The following SPINK13 variants were observed in gnomAD, a reference collection of about 807,000 sequenced individuals.
SPINK13 encodes the protein serine protease inhibitor Kazal-type 13.
A neutral mutation model predicts 11.0 loss-of-function variants in SPINK13; 11 were observed. The ratio of observed to expected loss-of-function variants is 1.00; its 90% CI spans 0.63 to 1.65. The LOEUF (loss-of-function observed/expected upper bound fraction) is 1.65. Among genes scored for constraint, SPINK13 ranks in the 40% most tolerant of loss-of-function variants. SPINK13 has a pLI of 0.00. For synonymous variants in SPINK13, 31 were observed against 35.6 expected, an observed-to-expected ratio of 0.87 and a Z score of 0.46; for missense variants, 113 against 117.7, an observed-to-expected ratio of 0.96 and a Z score of 0.19.
Position 148,279,368 on chromosome 5 carries a change from T to C in SPINK13, c.109-2736T>C, listed in dbSNP as rs554157522. ...CCCATTAGTTGATGCAGTTTCTTCA[T>C]AGTGTTGATGGTCTTTACATTTTGG... On this transcript the variant is annotated intron_variant, in intron 3 of 4. Transcript: ENST00000398450. Among the ~76,000 whole-genome samples the C allele has an allele frequency of 3.9e-5, 6 of 152,262 alleles. No homozygotes were observed. In the South Asian group the frequency reaches 1.0e-3, roughly 26 times the overall value.
chr5:148,270,023 C>G lies in SPINK13; in HGVS notation c.-33-17C>G, dbSNP rs775056259. ...AGCTGTGGGGGAAACTAAAAACAAT[C>G]TTGGGCATGTTCACAGGCCTTATCA... is the stretch of plus-strand genomic sequence containing the variant. On this transcript the variant is annotated splice_polypyrimidine_tract_variant and intron_variant, in intron 1 of 4. Coordinates refer to ENST00000398450, the MANE Select transcript of SPINK13 (RefSeq NM_001040129.3). The G allele has an allele frequency of 6.3e-7, 1 of 1,579,746 alleles. No homozygotes were observed.
chr5:148,278,074 G>T (rs1222162062), intron 3 of SPINK13, among the ~76,000 whole-genome samples: 1 of 152,184 alleles, frequency 6.6e-6, no homozygotes, highest in Admixed American at 6.5e-5. Context: ...GATGTTTATA[G>T]TATTCTCTGA....
chr5:148,274,177 A>T (rs1293806622), intron 2 of SPINK13, among the ~76,000 whole-genome samples, 170 bp from the exon 3 acceptor site: 1 of 151,734 alleles, frequency 6.6e-6, no homozygotes, highest in Non-Finnish European at 1.5e-5. Context: ...AAAAGTGGAT[A>T]AAGTAATTTA....
chr5:148,277,013 T>C (rs561593456), intron 3 of SPINK13, among the ~76,000 whole-genome samples: 1 of 152,332 alleles, frequency 6.6e-6, no homozygotes, highest in Non-Finnish European at 1.5e-5. Flanking sequence ...GTTGTATTCC[T>C]AGGTATTTTA....
intron 4 of SPINK13, among the ~76,000 whole-genome samples, chr5:148,282,478 A>G (rs184669126): frequency 1.3e-5 from 2 of 152,354 alleles, no homozygotes; most frequent in East Asian, 3.9e-4. Flanking sequence ...AGAACTGTAC[A>G]GAGATTATAT....
intron 3 of SPINK13, among the ~76,000 whole-genome samples, chr5:148,279,569 G>A (rs1356920514): frequency 6.6e-6 from 1 of 152,104 alleles, no homozygotes; most frequent in Non-Finnish European, 1.5e-5. Context: ...GAAATTCTGG[G>A]TTGAAAATTC....
chr5:148,271,879 T>C (rs1484614225), intron 2 of SPINK13, among the ~76,000 whole-genome samples: 1 of 152,194 alleles, frequency 6.6e-6, no homozygotes, highest in African/African-American at 2.4e-5. Context: ...CCGCCTGGCC[T>C]CCCAAAGTGC....
At chr5:148,271,419 T>G (rs1047698381) in intron 2 of SPINK13, among the ~76,000 whole-genome samples, 1 of 152,186 alleles carries the variant, frequency 6.6e-6, no homozygotes, top group African/African-American at 2.4e-5. Flanking sequence ...ACCAATTCTC[T>G]TGTCTATCTT....
At chr5:148,276,956 C>T (rs757983433) in intron 3 of SPINK13, among the ~76,000 whole-genome samples, 2 of 152,152 alleles carry the variant, frequency 1.3e-5, no homozygotes, top group Admixed American at 6.5e-5. Flanking sequence ...TTTCCTTGAA[C>T]AGTGGTTTGT....
chr5:148,285,746 G>A (rs1481910959), intron 4 of SPINK13, among the ~76,000 whole-genome samples: 1 of 151,980 alleles, frequency 6.6e-6, no homozygotes, highest in Non-Finnish European at 1.5e-5. Context: ...GTATTGAGAT[G>A]GGAATGGGTT....
In SPINK13 at chr5:148,286,156, T is replaced by A; in HGVS notation, c.*108T>A. 1 of 623,404 alleles carries A rather than the reference T, an allele frequency of 1.6e-6. No individual in the cohort carries two copies. Among genetic ancestry groups the A allele is most frequent in the Non-Finnish European group, 2.5e-6 (1 of 399,644 alleles). 38.6% of individuals were successfully genotyped at this position (623,404 alleles called of 1,614,324 possible). On this transcript the variant is annotated 3_prime_UTR_variant, in exon 5 of 5. Coordinates refer to ENST00000398450, the MANE Select transcript of SPINK13 (RefSeq NM_001040129.3). ...TTAAATAACATCCCTATGCTGTACTTAAATGTCGAACAAAATGAGAGACAA... is the reference window on the plus strand; with the variant it reads ...TTAAATAACATCCCTATGCTGTACTAAAATGTCGAACAAAATGAGAGACAA...
intron 3 of SPINK13, among the ~76,000 whole-genome samples, chr5:148,278,992 G>T (rs545404681): frequency 1.3e-5 from 2 of 149,286 alleles, no homozygotes; most frequent in Non-Finnish European, 3.0e-5. Flanking sequence ...TCTTCTTGTT[G>T]TATTGATCCC....
At chr5:148,273,745 A>G (rs1272137832) in intron 2 of SPINK13, among the ~76,000 whole-genome samples, 1 of 152,256 alleles carries the variant, frequency 6.6e-6, no homozygotes, top group Non-Finnish European at 1.5e-5. Flanking sequence ...TATTTTAAAT[A>G]TCACTTAACA....
chr5:148,286,194 C>A lies in SPINK13; in HGVS notation c.*146C>A. ...AAATGAGAGACAAAAATGAAGGAAT[C>A]AAACTGACAAGAACCAAATATCACA... is the stretch of plus-strand genomic sequence containing the variant. On this transcript the variant is annotated 3_prime_UTR_variant, in exon 5 of 5. Coordinates refer to ENST00000398450, the MANE Select transcript of SPINK13 (RefSeq NM_001040129.3). 1 of 433,286 alleles carries A rather than the reference C, an allele frequency of 2.3e-6. No homozygotes were observed. Among genetic ancestry groups the A allele is most frequent in the African/African-American group, 2.1e-5 (1 of 48,618 alleles). 26.8% of individuals were successfully genotyped at this position (433,286 alleles called of 1,614,324 possible).
At chr5:148,270,488 T>C (rs1335161108) in intron 2 of SPINK13, among the ~76,000 whole-genome samples, 1 of 152,150 alleles carries the variant, frequency 6.6e-6, no homozygotes, top group Non-Finnish European at 1.5e-5. Flanking sequence ...AATGATATGA[T>C]AAATATGATA....
At chr5:148,278,645 T>A (rs1164354848) in intron 3 of SPINK13, among the ~76,000 whole-genome samples, 4 of 152,244 alleles carry the variant, frequency 2.6e-5, no homozygotes, top group Non-Finnish European at 4.4e-5. Flanking sequence ...CTGTTTGTTA[T>A]GATTCCCGTT....
At chr5:148,284,007 C>T (rs1338518842) in intron 4 of SPINK13, among the ~76,000 whole-genome samples, 1 of 152,144 alleles carries the variant, frequency 6.6e-6, no homozygotes, top group African/African-American at 2.4e-5. Flanking sequence ...GAGGCTGTAA[C>T]CTCACGGAAT....
chr5:148,281,039 G>C (rs1362581678), intron 3 of SPINK13, among the ~76,000 whole-genome samples: 1 of 152,148 alleles, frequency 6.6e-6, no homozygotes, highest in South Asian at 2.1e-4. Flanking sequence ...GAGCTGCAGT[G>C]GGCTCCACCC....
chr5:148,272,035 T>C (rs1400527875), intron 2 of SPINK13, among the ~76,000 whole-genome samples: 2 of 152,240 alleles, frequency 1.3e-5, no homozygotes, highest in Non-Finnish European at 2.9e-5. Context: ...GTGCAGTTGT[T>C]CATTTAGTTT....
Sources: allele counts gnomAD v4.1 joint callset (sites outside exome capture counted in the v4.1 genomes callset), GRCh38; gene constraint gnomAD v4.1.1; transcripts MANE v1.5; gene names NCBI Gene and HGNC (gene_info 2026-07-23, HGNC 2026-07-21).